PPP2R2C: variants seen among roughly 807,000 people sequenced by gnomAD.
The protein encoded by PPP2R2C is protein phosphatase 2, regulatory subunit B, gamma.
PPP2R2C carries 10 observed loss-of-function variants against 45.3 expected under a neutral mutation model. The ratio of observed to expected loss-of-function variants is 0.22; its 90% CI spans 0.14 to 0.37. The LOEUF (loss-of-function observed/expected upper bound fraction) is 0.37, where lower values mean the gene tolerates loss of function less well. PPP2R2C is among the 10% of genes least tolerant of loss of function. The probability of loss-of-function intolerance (pLI) is 1.00; values close to 1 mark genes in which losing one functional copy is unlikely to be tolerated. For missense variants in PPP2R2C, 308 were observed against 619.7 expected (o/e 0.50, Z 5.34); for synonymous variants, 257 against 245.4 (o/e 1.05, Z -0.44).
At chr4:6,390,090 G>A (rs992402858) in intron 1 of PPP2R2C, among the ~76,000 whole-genome samples, 1 of 152,190 alleles carries the variant, frequency 6.6e-6, no homozygotes, top group East Asian at 1.9e-4. Flanking sequence ...AGGGTCTGGA[G>A]TTTGGGGTCT....
Position 6,324,456 on chromosome 4 carries a change from A to C in PPP2R2C, c.1053-863T>G, listed in dbSNP as rs148260602. On this transcript the variant is annotated intron_variant, in intron 8 of 8. Transcript: ENST00000382599. This position sits in a 1 kb window ranked among gnomAD's most constrained non-coding sequence, Gnocchi z 4.1. ...CGAAAAAAGAAAAGAAAAGAAAAGA[A>C]AAGACCCTCCTGTAATTTCTGTTAG... 6.2e-4 allele frequency among the ~76,000 whole-genome samples: 84 copies of C among 135,930 alleles called. No individual in the cohort carries two copies. The East Asian group carries it at 0.019, about 31-fold the overall frequency. The allele number at this position is 135,930 out of a possible 152,430, so 89.2% of individuals were successfully genotyped here. A position where few individuals can be genotyped will look rare whatever the true frequency, so the allele number is the denominator to read the frequency against.
chr4:6,389,733 A>G lies in PPP2R2C; in HGVS notation c.71-8639T>C, dbSNP rs560261262. Among the ~76,000 whole-genome samples, 4 of 152,258 alleles carry G rather than the reference A, an allele frequency of 2.6e-5. No individual in the cohort carries two copies. In the South Asian group the frequency reaches 8.3e-4, roughly 32 times the overall value. On this transcript the variant is annotated intron_variant, in intron 1 of 8. Transcript: ENST00000382599. ...CCAGCTTTAGCATTTTACACCTATT[A>G]CTGAATCTTCTTAACAACTCCAAGA...
chr4:6,530,321 ATT>A (rs1160897589), intron 2 of PPP2R2C, among the ~76,000 whole-genome samples: 2 of 152,060 alleles, frequency 1.3e-5, no homozygotes, highest in African/African-American at 4.8e-5. Flanking sequence ...CTTATCCGCC[ATT>A]TTCCATGCAC....
intron 1 of PPP2R2C, among the ~76,000 whole-genome samples, chr4:6,558,591 T>G (rs1188980008): frequency 6.6e-6 from 1 of 152,168 alleles, no homozygotes; most frequent in Admixed American, 6.5e-5. Context: ...TCAAACTAGG[T>G]TGGATTTCAG....
chr4:6,507,259 C>G (rs1474392107), intron 2 of PPP2R2C, among the ~76,000 whole-genome samples: 2 of 152,202 alleles, frequency 1.3e-5, no homozygotes, highest in Non-Finnish European at 2.9e-5. Context: ...CTCAGTTTCC[C>G]CAGCTATAAA....
chr4:6,496,924 G>T (rs1577221842), intron 2 of PPP2R2C, among the ~76,000 whole-genome samples: 1 of 152,024 alleles, frequency 6.6e-6, no homozygotes, highest in African/African-American at 2.4e-5. Context: ...CACAGGGAGT[G>T]TGACGATGCC....
intron 1 of PPP2R2C, 128 bp downstream of exon 1, chr4:6,472,032 G>A: frequency 8.9e-7 from 1 of 1,120,648 alleles, no homozygotes; most frequent in Non-Finnish European, 1.3e-6. Context: ...GGGTGGGATG[G>A]GGTGGGGTGG....
At chr4:6,510,980 C>CAAAAAAAAAAAAAAAAAA (rs752037080) in intron 2 of PPP2R2C, among the ~76,000 whole-genome samples, 6 of 41,362 alleles carry the variant, frequency 1.5e-4, no homozygotes, top group East Asian at 1.8e-3. Context: ...CCGTCTCAAA[C>CAAAAAAAAAAAAAAAAAA]AAAAAAAAAC....
intron 1 of PPP2R2C, chr4:6,382,729 C>G (rs1320541023): frequency 1.9e-6 from 1 of 515,394 alleles, no homozygotes; most frequent in Non-Finnish European, 3.0e-6. Context: ...CACATCCAAT[C>G]CTGCCTGCTC....
At chr4:6,393,429 T>G (rs1208013506) in intron 1 of PPP2R2C, among the ~76,000 whole-genome samples, 3 of 152,258 alleles carry the variant, frequency 2.0e-5, no homozygotes, top group African/African-American at 7.2e-5. Flanking sequence ...CAGTACATCA[T>G]TCCTTTTCCA....
At chr4:6,561,738 C>T (rs918221312) in intron 1 of PPP2R2C, among the ~76,000 whole-genome samples, 4 of 152,100 alleles carry the variant, frequency 2.6e-5, no homozygotes, top group East Asian at 3.9e-4. Context: ...CACACACTGG[C>T]GTTTAGAACC....
intron 2 of PPP2R2C, among the ~76,000 whole-genome samples, chr4:6,484,314 G>T (rs972226458): frequency 1.6e-4 from 24 of 151,774 alleles, no homozygotes; most frequent in African/African-American, 5.8e-4. Flanking sequence ...TCTATTTCTG[G>T]ACTCTGTATT....
In PPP2R2C at chr4:6,328,902, G is replaced by A. The variant is rs1017252215; in HGVS notation, c.1052+360C>T. ...GGGCTGTCTCAGGACATACAGGTGTGGATGGATGATGGTGACCGGGTGCTG... is the reference window on the plus strand; with the variant it reads ...GGGCTGTCTCAGGACATACAGGTGTAGATGGATGATGGTGACCGGGTGCTG... On this transcript the variant is annotated intron_variant, in intron 8 of 8. Transcript: ENST00000382599. The surrounding 1 kb of genome is among the most constrained non-coding windows in gnomAD (Gnocchi z 4.4). Among the ~76,000 whole-genome samples the A allele has an allele frequency of 1.6e-5, 2 of 128,978 alleles. No individual in the cohort carries two copies. The highest frequency in any genetic ancestry group is 2.3e-4 in the South Asian group (1 of 4,276). 84.6% of individuals were successfully genotyped at this position (128,978 alleles called of 152,430 possible). A position where few individuals can be genotyped will look rare whatever the true frequency, so the allele number is the denominator to read the frequency against.
At chr4:6,476,092 A>G (rs1722134855), upstream of PPP2R2C, among the ~76,000 whole-genome samples, 1 of 152,198 alleles carries the variant, frequency 6.6e-6, no homozygotes, top group African/African-American at 2.4e-5. Context: ...AGCCTCCAGA[A>G]CTGGGAGGAA....
intron 2 of PPP2R2C, among the ~76,000 whole-genome samples, chr4:6,534,677 C>A (rs1395836142): frequency 6.6e-6 from 1 of 152,066 alleles, no homozygotes; most frequent in African/African-American, 2.4e-5. Context: ...CAACACACAC[C>A]CCCCAACACG....
At chr4:6,338,633 G>C (rs1733186023) in intron 6 of PPP2R2C, among the ~76,000 whole-genome samples, 1 of 152,114 alleles carries the variant, frequency 6.6e-6, no homozygotes, top group African/African-American at 2.4e-5. Context: ...TAGCTGACCA[G>C]CTCCTTCTCA....
intron 1 of PPP2R2C, chr4:6,384,502 T>C (rs1716083982): frequency 4.1e-6 from 4 of 976,776 alleles, no homozygotes; most frequent in South Asian, 9.5e-5. Context: ...AATAGCTGTA[T>C]TGAGGTACAA....
intron 2 of PPP2R2C, among the ~76,000 whole-genome samples, chr4:6,531,650 G>A (rs1724405752): frequency 6.6e-6 from 1 of 151,738 alleles, no homozygotes; most frequent in African/African-American, 2.4e-5. Context: ...GCTGTTTGCA[G>A]AGCAGGTGCT....
chr4:6,559,251 C>G (rs1328902895), intron 1 of PPP2R2C, among the ~76,000 whole-genome samples: 3 of 152,214 alleles, frequency 2.0e-5, no homozygotes, highest in Non-Finnish European at 2.9e-5. Context: ...GTGTGCTCCT[C>G]TGTAAAACCG....
Sources: allele counts gnomAD v4.1 joint callset (sites outside exome capture counted in the v4.1 genomes callset), GRCh38; gene constraint gnomAD v4.1.1; non-coding constraint Gnocchi (gnomAD v3.1); transcripts MANE v1.5; gene names NCBI Gene and HGNC (gene_info 2026-07-23, HGNC 2026-07-21).